SLC24A2: variants seen among roughly 807,000 people sequenced by gnomAD.
SLC24A2 encodes sodium/potassium/calcium exchanger 2.
In SLC24A2, 36 loss-of-function variants were observed where a neutral mutation model predicts 62.0. That is an observed-to-expected ratio of 0.58 (90% CI 0.44 to 0.77). The LOEUF is 0.77. Among genes scored for constraint, SLC24A2 ranks in the 30% least tolerant of loss-of-function variants. The pLI is 0.00. For missense variants in SLC24A2, 846 were observed against 817.9 expected (o/e 1.03, Z -0.42); for synonymous variants, 358 against 294.0 (o/e 1.22, Z -2.23).
the SLC24A2 span, among the ~76,000 whole-genome samples, chr9:20,046,887 T>G: frequency 1.3e-5 from 2 of 152,144 alleles, no homozygotes; most frequent in African/African-American, 4.8e-5. Flanking sequence ...TACTGCTTCT[T>G]TCTATCTACT....
At chr9:20,019,155 A>AAGAAAGAAAGAAAGAAAGAGAGAG in the SLC24A2 span, among the ~76,000 whole-genome samples, 2 of 117,088 alleles carry the variant, frequency 1.7e-5, no homozygotes, top group African/African-American at 3.1e-5. Context: ...GAAAGAAAGA[A>AAGAAAGAAAGAAAGAAAGAGAGAG]AGAGAGAGAG....
At chr9:19,758,670 G>A (rs186895245) in intron 2 of SLC24A2, among the ~76,000 whole-genome samples, 14 of 152,200 alleles carry the variant, frequency 9.2e-5, no homozygotes, top group African/African-American at 1.9e-4. Flanking sequence ...GTTTTTGAAC[G>A]GGATTGGCTT....
At chr9:20,195,618 C>G in the SLC24A2 span, among the ~76,000 whole-genome samples, 1 of 152,108 alleles carries the variant, frequency 6.6e-6, no homozygotes, top group Admixed American at 6.5e-5. Flanking sequence ...AAATCTCCTA[C>G]TTTTCTCTTA....
At chr9:19,835,411 G>T in the SLC24A2 span, among the ~76,000 whole-genome samples, 215 of 152,210 alleles carry the variant, frequency 1.4e-3, 1 homozygote, top group African/African-American at 4.8e-3. Flanking sequence ...ACAAAAAAAG[G>T]CAGGGGTTCC....
intron 2 of SLC24A2, among the ~76,000 whole-genome samples, chr9:19,776,062 T>C (rs928941706): frequency 1.4e-4 from 21 of 152,246 alleles, no homozygotes; most frequent in East Asian, 1.9e-4. Context: ...TATATGGATA[T>C]GTAAATATGC....
the SLC24A2 span, among the ~76,000 whole-genome samples, chr9:20,214,282 T>A: frequency 6.6e-6 from 1 of 152,170 alleles, no homozygotes; most frequent in Non-Finnish European, 1.5e-5. Flanking sequence ...AGATCTGCTG[T>A]ACTATATTGC....
intron 2 of SLC24A2, among the ~76,000 whole-genome samples, chr9:19,749,782 A>G (rs1821931146): frequency 6.6e-6 from 1 of 152,208 alleles, no homozygotes; most frequent in African/African-American, 2.4e-5. Context: ...AACTCGAATT[A>G]GTGGGACTCA....
intron 2 of SLC24A2, among the ~76,000 whole-genome samples, chr9:19,624,412 C>G (rs879538690): frequency 1.3e-5 from 2 of 151,894 alleles, no homozygotes; most frequent in African/African-American, 2.4e-5. Context: ...AAAAATATAT[C>G]TAAATACATG....
At chr9:19,815,829 C>T in the SLC24A2 span, among the ~76,000 whole-genome samples, 1 of 152,036 alleles carries the variant, frequency 6.6e-6, no homozygotes, top group African/African-American at 2.4e-5. Context: ...CATAACATCA[C>T]ACTGGATTAT....
the SLC24A2 span, among the ~76,000 whole-genome samples, chr9:20,049,900 G>A: frequency 6.6e-6 from 1 of 151,796 alleles, no homozygotes; most frequent in African/African-American, 2.4e-5. Flanking sequence ...GCCCAGATAC[G>A]AAGAAAAAAG....
chr9:20,119,997 C>G, the SLC24A2 span, among the ~76,000 whole-genome samples: 1 of 152,128 alleles, frequency 6.6e-6, no homozygotes, highest in Non-Finnish European at 1.5e-5. Flanking sequence ...TCAAGAGCAT[C>G]GGCAGGGCTG....
chr9:20,101,920 G>T, the SLC24A2 span, among the ~76,000 whole-genome samples: 1 of 152,072 alleles, frequency 6.6e-6, no homozygotes, highest in African/African-American at 2.4e-5. Context: ...AAGTGACATG[G>T]GACAAACACG....
intron 2 of SLC24A2, among the ~76,000 whole-genome samples, chr9:19,636,323 CTT>C (rs1554690385): frequency 1.0e-4 from 2 of 19,168 alleles, no homozygotes; most frequent in South Asian, 2.3e-3. Flanking sequence ...TCTTTTCTTT[CTT>C]TCTTTCTTTC....
the SLC24A2 span, among the ~76,000 whole-genome samples, chr9:20,201,725 T>C: frequency 6.6e-6 from 1 of 152,188 alleles, no homozygotes; most frequent in Non-Finnish European, 1.5e-5. Flanking sequence ...AACAGTTTTT[T>C]AAAAATTCTC....
the SLC24A2 span, among the ~76,000 whole-genome samples, chr9:20,268,672 A>G: frequency 0.01 from 1,545 of 152,300 alleles, 27 homozygotes; most frequent in African/African-American, 0.034. Context: ...TATATAGCCC[A>G]GTTTTAGGTA....
intron 7 of SLC24A2, among the ~76,000 whole-genome samples, chr9:19,552,412 A>T (rs1415113262): frequency 6.6e-6 from 1 of 152,200 alleles, no homozygotes; most frequent in Non-Finnish European, 1.5e-5. Flanking sequence ...TTTAACCCAA[A>T]TGAATGACTT....
At chr9:20,150,916 G>A in the SLC24A2 span, among the ~76,000 whole-genome samples, 5 of 151,810 alleles carry the variant, frequency 3.3e-5, no homozygotes, top group Non-Finnish European at 7.4e-5. Flanking sequence ...TTATTCCATT[G>A]ACATTTTTAT....
At chr9:19,680,107 G>C (rs1025497004) in intron 2 of SLC24A2, among the ~76,000 whole-genome samples, 2 of 148,156 alleles carry the variant, frequency 1.3e-5, no homozygotes, top group African/African-American at 2.5e-5. Flanking sequence ...TCCAGCACTG[G>C]GGCTACAAAG....
chr9:19,994,098 G>A, the SLC24A2 span, among the ~76,000 whole-genome samples: 2 of 152,276 alleles, frequency 1.3e-5, no homozygotes, highest in East Asian at 3.9e-4. Flanking sequence ...GATCTGCCTG[G>A]CTCCAGGTGA....
Sources: gnomAD v4.1 joint callset for allele counts (sites outside exome capture counted in the v4.1 genomes callset) on GRCh38, gnomAD v4.1.1 for gene constraint, MANE v1.5 for transcripts, NCBI Gene and HGNC (gene_info 2026-07-23, HGNC 2026-07-21) for gene names.